DCUN1D4: variants seen among roughly 807,000 people sequenced by gnomAD.
DCUN1D4 encodes the protein DCN1-like protein 4.
DCUN1D4 carries 22 observed loss-of-function variants against 47.9 expected under a neutral mutation model. The ratio of observed to expected loss-of-function variants is 0.46; its 90% confidence interval spans 0.33 to 0.66. DCUN1D4 has a LOEUF of 0.66. Among genes scored for constraint, DCUN1D4 ranks in the 30% least tolerant of loss-of-function variants. The probability of loss-of-function intolerance (pLI) is 0.02; values close to 1 mark genes in which losing one functional copy is unlikely to be tolerated. For missense variants in DCUN1D4, 301 were observed against 340.8 expected (o/e 0.88, Z 0.92); for synonymous variants, 121 against 112.2 (o/e 1.08, Z -0.50).
At chr4:51,891,894 G>C in intron 7 of DCUN1D4, 43 bp downstream of exon 7, 2 of 1,476,838 alleles carry the variant, frequency 1.4e-6, no homozygotes, top group Non-Finnish European at 1.9e-6. Context: ...GCCCTTCCCA[G>C]GTGGTTGCCT....
At chr4:51,844,610 G>C (rs1466830736) in intron 1 of DCUN1D4, among the ~76,000 whole-genome samples, 1 of 151,908 alleles carries the variant, frequency 6.6e-6, no homozygotes, top group Non-Finnish European at 1.5e-5. Context: ...GTGGGGGTTG[G>C]TGCCATGGAA....
At chr4:51,871,952 G>A (rs1726964241) in intron 3 of DCUN1D4, among the ~76,000 whole-genome samples, 1 of 152,184 alleles carries the variant, frequency 6.6e-6, no homozygotes, top group Non-Finnish European at 1.5e-5. Flanking sequence ...TCCACACCCT[G>A]CTGGTGTGGG....
intron 6 of DCUN1D4, among the ~76,000 whole-genome samples, chr4:51,890,548 G>T (rs1730261506): frequency 6.6e-6 from 1 of 152,196 alleles, no homozygotes; most frequent in Admixed American, 6.5e-5. Context: ...TGTTCCTTAT[G>T]TATGAATGGA....
chr4:51,852,330 A>G (rs902484864), intron 1 of DCUN1D4, among the ~76,000 whole-genome samples: 1 of 152,232 alleles, frequency 6.6e-6, no homozygotes, highest in Non-Finnish European at 1.5e-5. Context: ...TTATTTTTAA[A>G]TATAGGAGAT....
At chr4:51,872,409 G>A (rs1727032811) in intron 3 of DCUN1D4, among the ~76,000 whole-genome samples, 1 of 152,108 alleles carries the variant, frequency 6.6e-6, no homozygotes, top group Non-Finnish European at 1.5e-5. Flanking sequence ...CACATCTCTT[G>A]TCTCTCCACA....
In DCUN1D4 at chr4:51,863,458, T is replaced by G. The variant is rs1292236886; in HGVS notation, c.47T>G (p.Leu16Arg). The G allele has an allele frequency of 6.2e-7, 1 of 1,612,852 alleles. No homozygotes were observed. Among genetic ancestry groups the G allele is most frequent in the African/African-American group, 1.3e-5 (1 of 75,020 alleles). Residue 16 changes from leucine to arginine, a missense_variant, in exon 2 of 11, where the codon CTC (leucine) becomes CGC (arginine). Around this residue, in one of 2 missense-constraint regions of DCUN1D4, gnomAD observed 131 missense variants for 106.3 expected, o/e 1.23. Coordinates refer to ENST00000334635, the MANE Select transcript of DCUN1D4 (RefSeq NM_001040402.3). ...AAVNFQLNSHLSTLANIHKIY... is the reference protein window; with the variant it reads ...AAVNFQLNSHRSTLANIHKIY... Reference sequence around the variant, plus strand: ...CAAGATTTTCAGCTGAACTCTCATCTCTCAACACTGGCAAATATTCATAAG... The same window carrying G: ...CAAGATTTTCAGCTGAACTCTCATCGCTCAACACTGGCAAATATTCATAAG...
intron 1 of DCUN1D4, among the ~76,000 whole-genome samples, chr4:51,849,498 G>A (rs17657367): frequency 0.42 from 63,369 of 152,004 alleles, 15,956 homozygotes; most frequent in African/African-American, 0.71. Context: ...TGTCACTGTC[G>A]CTGGTCAGAT....
At position 51,916,385 on chromosome 4, in the gene DCUN1D4, C is replaced by T. The variant is rs1239922759; in HGVS notation, c.*2801C>T. 1 of 152,546 alleles carries T rather than the reference C, an allele frequency of 6.6e-6. No individual in the cohort carries two copies. Among genetic ancestry groups the T allele is most frequent in the African/African-American group, 2.4e-5 (1 of 41,424 alleles). 9.4% of individuals were successfully genotyped at this position (152,546 alleles called of 1,614,324 possible). ...TTCACAATGGATTTATTTTCTCTCT[C>T]AGTCTCCATTTTAACAGTGCTTTTG... On this transcript the variant is annotated 3_prime_UTR_variant, in exon 11 of 11. Coordinates refer to ENST00000334635, the MANE Select transcript of DCUN1D4 (RefSeq NM_001040402.3).
At chr4:51,870,448 A>T (rs985025030) in intron 3 of DCUN1D4, among the ~76,000 whole-genome samples, 1 of 152,094 alleles carries the variant, frequency 6.6e-6, no homozygotes. Context: ...TGGGGAAAAA[A>T]TCTGAAATGA....
chr4:51,839,249 GAAGA>G (rs968350713), upstream of DCUN1D4, among the ~76,000 whole-genome samples: 104 of 151,700 alleles, frequency 6.9e-4, no homozygotes, highest in Admixed American at 5.3e-3. Context: ...AGAAGGAAAG[GAAGA>G]AAGAAAGAAA....
At chr4:51,856,900 C>T (rs959158172) in intron 1 of DCUN1D4, among the ~76,000 whole-genome samples, 3 of 152,302 alleles carry the variant, frequency 2.0e-5, no homozygotes, top group Non-Finnish European at 2.9e-5. Flanking sequence ...CAGAAGAATC[C>T]AGCACAGCCT....
intron 5 of DCUN1D4, among the ~76,000 whole-genome samples, chr4:51,880,763 C>G (rs1275119956): frequency 2.0e-5 from 3 of 152,100 alleles, no homozygotes; most frequent in African/African-American, 7.2e-5. Context: ...TAGAAAGGAT[C>G]GGCTGGGAGG....
chr4:51,877,938 G>C (rs766418948), intron 5 of DCUN1D4, 84 bp downstream of exon 5: 334 of 972,470 alleles, frequency 3.4e-4, no homozygotes, highest in Non-Finnish European at 4.8e-4. Context: ...TTAAAAATGT[G>C]TACATTTCAA....
At chr4:51,908,773 G>A (rs962841643) in intron 8 of DCUN1D4, 5 of 405,336 alleles carry the variant, frequency 1.2e-5, no homozygotes, top group African/African-American at 4.1e-5. Context: ...GGGAGCTCTC[G>A]ACTGTTGTTC....
intron 8 of DCUN1D4, among the ~76,000 whole-genome samples, chr4:51,905,832 T>C (rs1010852410): frequency 2.0e-5 from 3 of 151,750 alleles, no homozygotes; most frequent in African/African-American, 7.3e-5. Context: ...CTCCACAGAG[T>C]AGGATGTGTT....
intron 1 of DCUN1D4, among the ~76,000 whole-genome samples, chr4:51,859,966 T>C (rs1466969792): frequency 6.6e-6 from 1 of 152,182 alleles, no homozygotes; most frequent in Non-Finnish European, 1.5e-5. Context: ...GGTAAAGCAT[T>C]TGATCTTTAC....
At chr4:51,888,782 T>G (rs1560498240) in intron 6 of DCUN1D4, among the ~76,000 whole-genome samples, 1 of 150,018 alleles carries the variant, frequency 6.7e-6, no homozygotes, top group African/African-American at 2.4e-5. Flanking sequence ...TTAAAATTTA[T>G]AATCATATTA....
chr4:51,838,067 C>T (rs575044072), upstream of DCUN1D4, among the ~76,000 whole-genome samples: 15 of 152,230 alleles, frequency 9.9e-5, no homozygotes, highest in South Asian at 2.1e-4. Context: ...GTCCCAGCTA[C>T]ACGATGAGCC....
At chr4:51,895,395 G>A (rs1001151844) in intron 7 of DCUN1D4, among the ~76,000 whole-genome samples, 1 of 151,636 alleles carries the variant, frequency 6.6e-6, no homozygotes, top group Non-Finnish European at 1.5e-5. Flanking sequence ...GCTTCCCTAG[G>A]GCCTGTGAGC....
Sources: allele counts gnomAD v4.1 joint callset (sites outside exome capture counted in the v4.1 genomes callset), GRCh38; gene constraint gnomAD v4.1.1; regional missense constraint gnomAD v4.1.1; transcripts MANE v1.5; gene names NCBI Gene and HGNC (gene_info 2026-07-23, HGNC 2026-07-21).